Variants in SPEN observed in about 807,000 individuals in gnomAD.
The protein encoded by SPEN is msx2-interacting protein.
SPEN carries 18 observed loss-of-function variants against 269.9 expected under a neutral mutation model. That is an observed-to-expected ratio of 0.07 (90% CI 0.05 to 0.10). The LOEUF is 0.10. Ranked by LOEUF, SPEN falls within the 10% of genes least tolerant of loss-of-function variation. SPEN has a pLI of 1.00. For missense variants in SPEN, 3,822 were observed against 4,631.2 expected (o/e 0.83, Z 5.07); for synonymous variants, 1,726 against 1,765.7 (o/e 0.98, Z 0.56).
intron 10 of SPEN, among the ~76,000 whole-genome samples, chr1:15,923,183 T>G (rs2071135428): frequency 6.6e-6 from 1 of 152,228 alleles, no homozygotes; most frequent in African/African-American, 2.4e-5. Context: ...ATATGTAAAC[T>G]GGCAACTTTG....
At chr1:15,904,513 T>C (rs1189502522) in intron 3 of SPEN, among the ~76,000 whole-genome samples, 1 of 147,738 alleles carries the variant, frequency 6.8e-6, no homozygotes, top group Non-Finnish European at 1.5e-5. Flanking sequence ...TATTGTTTCA[T>C]AATTAATTTT....
chr1:15,891,223 C>T (rs996145436), intron 3 of SPEN, among the ~76,000 whole-genome samples: 4 of 152,104 alleles, frequency 2.6e-5, no homozygotes, highest in African/African-American at 9.7e-5. Flanking sequence ...CAGTCTTGCT[C>T]TGTCACCCTG....
chr1:15,849,465 G>A (rs2070311101), intron 1 of SPEN, among the ~76,000 whole-genome samples: 1 of 152,256 alleles, frequency 6.6e-6, no homozygotes, highest in Non-Finnish European at 1.5e-5. Flanking sequence ...CGCCGCTGGA[G>A]CGCGCGTCTG....
intron 6 of SPEN, among the ~76,000 whole-genome samples, chr1:15,918,372 C>T (rs901449420): frequency 3.9e-5 from 6 of 152,362 alleles, no homozygotes; most frequent in Middle Eastern, 6.8e-3. Flanking sequence ...GCATGTGCCG[C>T]CATGCCTGGC....
intron 3 of SPEN, among the ~76,000 whole-genome samples, chr1:15,900,454 G>T (rs992711441): frequency 1.3e-5 from 2 of 152,070 alleles, no homozygotes; most frequent in Non-Finnish European, 2.9e-5. Flanking sequence ...TTATAAAATG[G>T]TTTTGTCTAT....
At chr1:15,855,302 G>T (rs1003456387) in intron 1 of SPEN, among the ~76,000 whole-genome samples, 1 of 151,972 alleles carries the variant, frequency 6.6e-6, no homozygotes. Context: ...TATTGACTTT[G>T]ATTGTTATAT....
chr1:15,934,748 G>T lies in SPEN; in HGVS notation c.8508G>T (p.Gln2836His), dbSNP rs2071257810. The T allele has an allele frequency of 1.9e-6, 3 of 1,614,182 alleles. No individual in the cohort carries two copies. The highest frequency in any genetic ancestry group is 2.5e-6 in the Non-Finnish European group (3 of 1,180,030). ...AGCGGATCAGCGCCAAGATCAGCCA[G>T]ATCCCCCCGGCCAGTGCAATGGACA... ...GPQRISAKISQIPPASAMDIE... is the reference protein window; with the variant it reads ...GPQRISAKISHIPPASAMDIE... The change falls in exon 11 of 15, where the codon CAG becomes CAT. Residue 2836 changes from glutamine to histidine, a missense_variant. By Grantham distance (24) the Gln-to-His change is conservative. This residue lies in a region of SPEN where 329 missense variants were observed against 431.2 expected (regional missense o/e 0.76). Coordinates refer to ENST00000375759, the MANE Select transcript of SPEN (RefSeq NM_015001.3). The surrounding 1 kb of genome is among the most constrained non-coding windows in gnomAD (Gnocchi z 9.2).
In SPEN at chr1:15,916,204, C is replaced by T; in HGVS notation, c.1320C>T (p.Leu440=). The T allele has an allele frequency of 6.2e-7, 1 of 1,614,058 alleles. No homozygotes were observed. The change falls in exon 6 of 15, where the codon CTC becomes CTT. Residue 440 remains leucine (L), a synonymous_variant. Transcript: ENST00000375759. ...TTCACCCCAAAGCAACAAGAACTCTCTTTATTGGCAACCTTGAAAAAACCA... is the reference window on the plus strand; with the variant it reads ...TTCACCCCAAAGCAACAAGAACTCTTTTTATTGGCAACCTTGAAAAAACCA... ...DEFHPKATRT[L]FIGNLEKTTT...
intron 11 of SPEN, among the ~76,000 whole-genome samples, 170 bp from the exon 12 acceptor site, chr1:15,936,992 AC>A (rs1254112591): frequency 1.3e-5 from 2 of 152,052 alleles, no homozygotes; most frequent in Admixed American, 6.5e-5. Flanking sequence ...ATCTCTCCTT[AC>A]CTGGAACCCC....
rs1280202952 is a variant in SPEN, at chr1:15,874,614, T to A, written c.404+1478T>A. 3.3e-5 allele frequency among the ~76,000 whole-genome samples: 5 copies of A among 152,208 alleles called. No homozygotes were observed. In the South Asian group the frequency reaches 6.2e-4, roughly 19 times the overall value. Reference sequence around the variant, plus strand: ...ATAGCAGCTGTAGCAGTAATCGTCCTAGAACTTTTTTGCCTGTTGCTTCTG... The same window carrying A: ...ATAGCAGCTGTAGCAGTAATCGTCCAAGAACTTTTTTGCCTGTTGCTTCTG... On this transcript the variant is annotated intron_variant, in intron 2 of 14. Coordinates refer to ENST00000375759, the MANE Select transcript of SPEN (RefSeq NM_015001.3).
chr1:15,861,664 G>A (rs991825586), intron 1 of SPEN, among the ~76,000 whole-genome samples: 3 of 151,910 alleles, frequency 2.0e-5, no homozygotes, highest in African/African-American at 7.3e-5. Context: ...GGGGAGTAGT[G>A]ACAGGGTCTT....
At chr1:15,867,356 C>G (rs1237387850) in intron 1 of SPEN, among the ~76,000 whole-genome samples, 1 of 152,088 alleles carries the variant, frequency 6.6e-6, no homozygotes, top group Non-Finnish European at 1.5e-5. Context: ...TGGGCATGCC[C>G]TCCCCCCTTT....
intron 1 of SPEN, among the ~76,000 whole-genome samples, chr1:15,863,577 ATACCTG>A (rs1210545849): frequency 6.6e-6 from 1 of 152,144 alleles, no homozygotes; most frequent in Non-Finnish European, 1.5e-5. Flanking sequence ...GCAGTGGCTC[ATACCTG>A]TAATCCCAGC....
intron 3 of SPEN, among the ~76,000 whole-genome samples, chr1:15,906,758 T>C (rs1557751008): frequency 6.8e-6 from 1 of 147,486 alleles, no homozygotes; most frequent in Non-Finnish European, 1.5e-5. Flanking sequence ...GCCACTGCAC[T>C]CGGCATGTTT....
intron 5 of SPEN, among the ~76,000 whole-genome samples, chr1:15,914,087 T>C (rs1378896322): frequency 1.3e-5 from 2 of 152,212 alleles, no homozygotes; most frequent in Non-Finnish European, 2.9e-5. Flanking sequence ...CTTTGAGATA[T>C]GCAGAATATA....
intron 1 of SPEN, among the ~76,000 whole-genome samples, chr1:15,855,543 C>T (rs2070378201): frequency 6.6e-6 from 1 of 152,062 alleles, no homozygotes; most frequent in Admixed American, 6.6e-5. Context: ...AGTATTTTGT[C>T]TGAACCAGTA....
chr1:15,897,877 A>G (rs565918352), intron 3 of SPEN, among the ~76,000 whole-genome samples: 43 of 152,310 alleles, frequency 2.8e-4, no homozygotes, highest in African/African-American at 9.6e-4. Context: ...TCGCTTTTCA[A>G]TAACTTTGGC....
rs776979621 is a variant in SPEN at position 15,937,894 on chromosome 1, A to G, written c.10592A>G (p.Asn3531Ser). The change falls in exon 13 of 15, where the codon AAC (asparagine) becomes AGC (serine). Residue 3531 changes from asparagine (N) to serine (S), a missense_variant. Coordinates refer to ENST00000375759, the MANE Select transcript of SPEN (RefSeq NM_015001.3). This position sits in a 1 kb window ranked among gnomAD's most constrained non-coding sequence, Gnocchi z 5.7. ...AVQLHFVSGN[N>S]VLAHRSLPLS... ...CAGCTCCACTTCGTCTCTGGCAACAACGTCCTGGCCCATCGGTCCCTGCCC... is the reference window on the plus strand; with the variant it reads ...CAGCTCCACTTCGTCTCTGGCAACAGCGTCCTGGCCCATCGGTCCCTGCCC... 3 of 1,614,062 alleles carry G rather than the reference A, an allele frequency of 1.9e-6. No individual in the cohort carries two copies. The highest frequency in any genetic ancestry group is 2.5e-6 in the Non-Finnish European group (3 of 1,180,034).
intron 3 of SPEN, among the ~76,000 whole-genome samples, chr1:15,899,530 T>A (rs1446277458): frequency 2.1e-5 from 3 of 140,532 alleles, no homozygotes; most frequent in Non-Finnish European, 4.6e-5. Context: ...ATGTATCATG[T>A]GGCAGAGTTT....
Sources: gnomAD v4.1 joint callset for allele counts (sites outside exome capture counted in the v4.1 genomes callset) on GRCh38, gnomAD v4.1.1 for gene constraint, gnomAD v4.1.1 regional missense constraint, Gnocchi (gnomAD v3.1) non-coding constraint, MANE v1.5 for transcripts, NCBI Gene and HGNC (gene_info 2026-07-23, HGNC 2026-07-21) for gene names.